HS6ST3: variants seen among roughly 807,000 people sequenced by gnomAD.
HS6ST3 encodes the protein heparan-sulfate 6-O-sulfotransferase 3.
HS6ST3 carries 12 observed loss-of-function variants against 36.7 expected under a neutral mutation model. That is an observed-to-expected ratio of 0.33 (90% confidence interval 0.21 to 0.53). The LOEUF is 0.53. Ranked by LOEUF, HS6ST3 falls within the 20% of genes least tolerant of loss-of-function variation. The probability of loss-of-function intolerance (pLI) is 0.95; values close to 1 mark genes in which losing one functional copy is unlikely to be tolerated. For synonymous variants in HS6ST3, 240 were observed against 257.5 expected, an observed-to-expected ratio of 0.93 and a Z score of 0.65; for missense variants, 584 against 640.9, an observed-to-expected ratio of 0.91 and a Z score of 0.96.
chr13:96,588,748 T>G (rs1171139149), intron 1 of HS6ST3, among the ~76,000 whole-genome samples: 2 of 152,150 alleles, frequency 1.3e-5, no homozygotes, highest in African/African-American at 4.8e-5. Flanking sequence ...TTGTAATTTT[T>G]TTTTAAAGTG....
At chr13:96,415,429 C>A (rs1289097530) in intron 1 of HS6ST3, among the ~76,000 whole-genome samples, 1 of 152,208 alleles carries the variant, frequency 6.6e-6, no homozygotes, top group Non-Finnish European at 1.5e-5. Context: ...CGACAATTTT[C>A]ATTGCCTTTG....
chr13:96,194,649 A>G (rs2054303683), intron 1 of HS6ST3, among the ~76,000 whole-genome samples: 1 of 152,138 alleles, frequency 6.6e-6, no homozygotes, highest in Non-Finnish European at 1.5e-5. Flanking sequence ...TTTCAAGTAT[A>G]CATTACTACT....
intron 1 of HS6ST3, among the ~76,000 whole-genome samples, chr13:96,147,751 C>T (rs2054065297): frequency 6.6e-6 from 1 of 152,108 alleles, no homozygotes; most frequent in Non-Finnish European, 1.5e-5. Context: ...CCATCTGCCA[C>T]CCTTAACTGG....
At chr13:96,384,102 C>T (rs2055355506) in intron 1 of HS6ST3, among the ~76,000 whole-genome samples, 1 of 152,108 alleles carries the variant, frequency 6.6e-6, no homozygotes. Context: ...AAAGTGAAGG[C>T]TACCCAAGAT....
intron 1 of HS6ST3, among the ~76,000 whole-genome samples, chr13:96,616,949 G>T (rs530109516): frequency 6.6e-6 from 1 of 152,276 alleles, no homozygotes; most frequent in African/African-American, 2.4e-5. Flanking sequence ...AGATAATAGT[G>T]GTTAAAAGGT....
At chr13:96,239,381 T>C (rs1195982541) in intron 1 of HS6ST3, among the ~76,000 whole-genome samples, 2 of 152,246 alleles carry the variant, frequency 1.3e-5, no homozygotes, top group Non-Finnish European at 2.9e-5. Flanking sequence ...CATCTGGCTC[T>C]ATAAATGAAA....
In HS6ST3 at chr13:96,166,109, G is replaced by A. The variant is rs148511163; in HGVS notation, c.707+74540G>A. On this transcript the variant is annotated intron_variant, in intron 1 of 1. Transcript: ENST00000376705. ...GTGTTGCCCAGGCTGGAGTGCAGTG[G>A]TGCAATTATAGAATTATAGCTCACT... Among the ~76,000 whole-genome samples, 484 of 151,714 alleles carry A rather than the reference G, an allele frequency of 3.2e-3. 3 individuals carry two copies. The highest frequency in any genetic ancestry group is 0.011 in the African/African-American group (475 of 41,336).
intron 1 of HS6ST3, among the ~76,000 whole-genome samples, chr13:96,716,588 A>G (rs996245060): frequency 2.0e-5 from 3 of 152,172 alleles, no homozygotes; most frequent in East Asian, 1.9e-4. Context: ...CCTATCATTT[A>G]TGATCTATTA....
intron 1 of HS6ST3, among the ~76,000 whole-genome samples, chr13:96,655,960 T>C (rs376005459): frequency 1.1e-4 from 17 of 152,148 alleles, no homozygotes; most frequent in African/African-American, 4.1e-4. Flanking sequence ...TCATTTTCAT[T>C]GTTATTATGA....
chr13:96,795,355 T>G (rs1203437695), intron 1 of HS6ST3, among the ~76,000 whole-genome samples: 3 of 152,086 alleles, frequency 2.0e-5, no homozygotes, highest in African/African-American at 7.2e-5. Context: ...TATTTATTAC[T>G]ATTATTAATT....
intron 1 of HS6ST3, among the ~76,000 whole-genome samples, chr13:96,226,349 C>T (rs187801209): frequency 2.6e-5 from 4 of 152,074 alleles, no homozygotes; most frequent in African/African-American, 7.2e-5. Flanking sequence ...GGAGAAACCC[C>T]GTCTCTACTA....
chr13:96,473,976 CA>C (rs1471576558), intron 1 of HS6ST3, among the ~76,000 whole-genome samples: 1 of 152,124 alleles, frequency 6.6e-6, no homozygotes, highest in Non-Finnish European at 1.5e-5. Flanking sequence ...AGGACCTCGC[CA>C]AATGTGGTGA....
At chr13:96,241,267 G>T (rs1369150460) in intron 1 of HS6ST3, among the ~76,000 whole-genome samples, 1 of 151,766 alleles carries the variant, frequency 6.6e-6, no homozygotes, top group Non-Finnish European at 1.5e-5. Flanking sequence ...TTAAAGAATT[G>T]AGTGACATTG....
intron 1 of HS6ST3, among the ~76,000 whole-genome samples, chr13:96,566,517 A>G (rs2056281923): frequency 6.6e-6 from 1 of 152,194 alleles, no homozygotes; most frequent in African/African-American, 2.4e-5. Flanking sequence ...AAGCTATTAA[A>G]GGATATTCTT....
At chr13:96,125,229 A>G (rs951928557) in intron 1 of HS6ST3, among the ~76,000 whole-genome samples, 2 of 152,312 alleles carry the variant, frequency 1.3e-5, no homozygotes, top group East Asian at 3.9e-4. Flanking sequence ...GGTGGTTTTA[A>G]TAGAATATCC....
chr13:96,469,296 C>T (rs1398613247), intron 1 of HS6ST3, among the ~76,000 whole-genome samples: 2 of 151,800 alleles, frequency 1.3e-5, no homozygotes, highest in East Asian at 1.9e-4. Context: ...TGAATCCCTC[C>T]CCCAACTTTT....
chr13:96,491,661 C>T (rs901160733), intron 1 of HS6ST3, among the ~76,000 whole-genome samples: 1 of 152,026 alleles, frequency 6.6e-6, no homozygotes, highest in Non-Finnish European at 1.5e-5. Context: ...ACCCACCAGG[C>T]CAGTTCTGTT....
At chr13:96,664,447 C>T (rs1393483702) in intron 1 of HS6ST3, among the ~76,000 whole-genome samples, 1 of 152,120 alleles carries the variant, frequency 6.6e-6, no homozygotes, top group African/African-American at 2.4e-5. Flanking sequence ...AAAATACTAT[C>T]CAAGCCAATA....
chr13:96,175,513 A>T (rs943053797), intron 1 of HS6ST3, among the ~76,000 whole-genome samples: 4 of 151,982 alleles, frequency 2.6e-5, no homozygotes, highest in Non-Finnish European at 4.4e-5. Flanking sequence ...TTTTAAAAAA[A>T]ATATTTCTGC....
Sources: gnomAD v4.1 joint callset for allele counts (sites outside exome capture counted in the v4.1 genomes callset) on GRCh38, gnomAD v4.1.1 for gene constraint, MANE v1.5 for transcripts, NCBI Gene and HGNC (gene_info 2026-07-23, HGNC 2026-07-21) for gene names.